The following PLEKHG1 variants were observed in gnomAD, a reference collection of about 807,000 sequenced individuals.
PLEKHG1 encodes pleckstrin homology and RhoGEF domain containing G1.
Under a neutral mutation model 100.8 loss-of-function variants are expected in PLEKHG1, and 44 were observed. That is an observed-to-expected ratio of 0.44 (90% confidence interval 0.34 to 0.56). The LOEUF (loss-of-function observed/expected upper bound fraction) is 0.56, where lower values mean the gene tolerates loss of function less well. Ranked by LOEUF, PLEKHG1 falls within the 20% of genes least tolerant of loss-of-function variation. PLEKHG1 has a pLI of 0.01. For missense variants in PLEKHG1, 1,545 were observed against 1,720.9 expected (o/e 0.90, Z 1.81); for synonymous variants, 640 against 662.5 (o/e 0.97, Z 0.52).
intron 1 of PLEKHG1, among the ~76,000 whole-genome samples, chr6:150,733,048 C>T (rs565383249): frequency 9.3e-4 from 142 of 152,268 alleles, no homozygotes; most frequent in Non-Finnish European, 1.9e-3. Context: ...GTGGTGGCTC[C>T]AGGATGCTAG....
intron 3 of PLEKHG1, among the ~76,000 whole-genome samples, chr6:150,779,344 G>GTTAGTTTTTTTTTTTTTT (rs1554272274): frequency 2.9e-5 from 3 of 104,540 alleles, no homozygotes; most frequent in Admixed American, 1.1e-4. Context: ...TTGTCAAGAA[G>GTTAGTTTTTTTTTTTTTT]TTTTTTTTTT....
upstream of PLEKHG1, among the ~76,000 whole-genome samples, chr6:150,717,147 T>G (rs1781474550): frequency 6.6e-6 from 1 of 152,150 alleles, no homozygotes; most frequent in Non-Finnish European, 1.5e-5. Flanking sequence ...TTCCCCTGCC[T>G]CAGCCTCCCA....
chr6:150,612,837 C>T (rs74378006), intron 1 of PLEKHG1, among the ~76,000 whole-genome samples: 6,706 of 152,270 alleles, frequency 0.044, 351 homozygotes, highest in African/African-American at 0.11. Flanking sequence ...TTGATCCATG[C>T]TCCCTCTTGG....
intron 2 of PLEKHG1, among the ~76,000 whole-genome samples, chr6:150,756,179 C>A (rs1456229120): frequency 6.6e-6 from 1 of 152,150 alleles, no homozygotes. Context: ...TACCCCCTGG[C>A]CCCATGCTCT....
At chr6:150,750,508 G>A (rs955277320) in intron 2 of PLEKHG1, among the ~76,000 whole-genome samples, 2 of 152,008 alleles carry the variant, frequency 1.3e-5, no homozygotes, top group East Asian at 1.9e-4. Context: ...TTTTAAAGGC[G>A]GCACACTCAC....
At chr6:150,632,429 T>C (rs2128562282) in intron 1 of PLEKHG1, among the ~76,000 whole-genome samples, 1 of 152,388 alleles carries the variant, frequency 6.6e-6, no homozygotes. Flanking sequence ...CTAGGGCTGC[T>C]CTCAGGGCCT....
chr6:150,735,649 G>T (rs1782525505), intron 2 of PLEKHG1, among the ~76,000 whole-genome samples: 1 of 152,132 alleles, frequency 6.6e-6, no homozygotes, highest in South Asian at 2.1e-4. Flanking sequence ...GTTCAACAAT[G>T]ATGTCATTTG....
intron 6 of PLEKHG1, 124 bp from the exon 8 acceptor site, chr6:150,804,486 A>G (rs1419800949): frequency 3.9e-6 from 3 of 775,742 alleles, no homozygotes; most frequent in Non-Finnish European, 5.8e-6. Context: ...CACCCAGCTG[A>G]TAGTGTGTAA....
At position 150,831,789 on chromosome 6, in the gene PLEKHG1, T is replaced by C. The variant is rs767423530; in HGVS notation, c.2678T>C (p.Leu893Pro). ...GGGCGCTCTGTGTCCACGCTGTCCC[T>C]GCCTGAGAGCCAGGCTCTCCTCACG... Residue 893 changes from leucine to proline, a missense_variant, in exon 15 of 16, where the codon CTG becomes CCG. By Grantham distance (98) the Leu-to-Pro change is moderately conservative. Coordinates refer to ENST00000358517, the Ensembl canonical transcript of PLEKHG1. The surrounding 1 kb of genome is among the most constrained non-coding windows in gnomAD (Gnocchi z 4.1). 5 of 1,613,104 alleles carry C rather than the reference T, an allele frequency of 3.1e-6. No homozygotes were observed. In the African/African-American group the frequency reaches 5.3e-5, roughly 17 times the overall value.
intron 3 of PLEKHG1, among the ~76,000 whole-genome samples, chr6:150,701,365 A>G (rs1329307057): frequency 7.1e-6 from 1 of 140,012 alleles, no homozygotes; most frequent in Non-Finnish European, 1.6e-5. Flanking sequence ...ACATTGGGTT[A>G]TATCTGTAGA....
At chr6:150,804,155 T>TCTATC (rs1554276213) in intron 6 of PLEKHG1, among the ~76,000 whole-genome samples, 1 of 30,264 alleles carries the variant, frequency 3.3e-5, no homozygotes, top group African/African-American at 1.4e-4. Context: ...TGTAAATATT[T>TCTATC]TATATATATA....
chr6:150,812,647 T>TA (rs1787599173), intron 10 of PLEKHG1, among the ~76,000 whole-genome samples: 2 of 152,072 alleles, frequency 1.3e-5, no homozygotes, highest in Admixed American at 6.6e-5. Context: ...GAAAAAATGA[T>TA]AGTTTGGAGA....
At chr6:150,621,456 C>G (rs1385142954) in intron 1 of PLEKHG1, among the ~76,000 whole-genome samples, 4 of 151,614 alleles carry the variant, frequency 2.6e-5, no homozygotes, top group Non-Finnish European at 5.9e-5. Context: ...CTCACTGCAA[C>G]CTCCACCTCC....
intron 3 of PLEKHG1, chr6:150,652,056 A>G (rs1778767273): frequency 6.6e-6 from 1 of 152,202 alleles, no homozygotes; most frequent in Admixed American, 6.5e-5. Context: ...ATTAGTCTTT[A>G]GGTAATATTT....
Position 150,725,379 on chromosome 6 carries a change from T to C in PLEKHG1, c.-99+4179T>C, listed in dbSNP as rs796347902. Among the ~76,000 whole-genome samples, 11 of 152,326 alleles carry C rather than the reference T, an allele frequency of 7.2e-5. 1 individual carries two copies. Among genetic ancestry groups the C allele is most frequent in the East Asian group, 1.9e-4 (1 of 5,190 alleles). On this transcript the variant is annotated intron_variant, in intron 1 of 15. Coordinates refer to ENST00000358517, the Ensembl canonical transcript of PLEKHG1. ...GACATTCATACCATAGCAATTAATA[T>C]AGGAATCAATCGGTAAATTATCTGA...
chr6:150,636,522 CT>C (rs994523984), intron 1 of PLEKHG1, among the ~76,000 whole-genome samples: 2 of 151,750 alleles, frequency 1.3e-5, no homozygotes, highest in African/African-American at 4.8e-5. Flanking sequence ...TCTTCTTGTC[CT>C]TTTCTGTGAT....
chr6:150,686,171 T>G (rs1384001630), intron 3 of PLEKHG1, among the ~76,000 whole-genome samples: 1 of 152,262 alleles, frequency 6.6e-6, no homozygotes, highest in Non-Finnish European at 1.5e-5. Context: ...ATGAGGCACC[T>G]CTACCTGGGC....
chr6:150,772,078 G>GTT (rs1336359784), intron 3 of PLEKHG1, among the ~76,000 whole-genome samples: 1 of 152,184 alleles, frequency 6.6e-6, no homozygotes, highest in Non-Finnish European at 1.5e-5. Context: ...ACCCTGATGT[G>GTT]TTGGTAAACC....
At chr6:150,655,805 C>T (rs899174290) in intron 3 of PLEKHG1, among the ~76,000 whole-genome samples, 7 of 151,148 alleles carry the variant, frequency 4.6e-5, no homozygotes, top group Non-Finnish European at 7.4e-5. Context: ...TCTGCAGGGA[C>T]GTGGATGAAG....
Sources: allele counts gnomAD v4.1 joint callset (sites outside exome capture counted in the v4.1 genomes callset), GRCh38; gene constraint gnomAD v4.1.1; non-coding constraint Gnocchi (gnomAD v3.1); transcripts MANE v1.5; gene names NCBI Gene and HGNC (gene_info 2026-07-23, HGNC 2026-07-21).